Variants in PCDHGA6 observed in about 807,000 individuals in gnomAD.
PCDHGA6 encodes protocadherin gamma-A6.
PCDHGA6 carries 41 observed loss-of-function variants against 60.6 expected under a neutral mutation model. The ratio of observed to expected loss-of-function variants is 0.68; its 90% CI spans 0.53 to 0.88. PCDHGA6 has a LOEUF of 0.88. Ranked by LOEUF, PCDHGA6 falls within the 40% of genes least tolerant of loss-of-function variation. The pLI, the probability that PCDHGA6 is intolerant of heterozygous loss-of-function variation, is 0.00. For missense variants in PCDHGA6, 1,312 were observed against 1,203.0 expected (o/e 1.09, Z -1.34); for synonymous variants, 594 against 524.4 (o/e 1.13, Z -1.81).
At chr5:141,509,163 C>T (rs561329093) in intron 3 of PCDHGA6, among the ~76,000 whole-genome samples, 1 of 152,204 alleles carries the variant, frequency 6.6e-6, no homozygotes, top group East Asian at 1.9e-4. Context: ...CTCCCGTGTG[C>T]CCTCCTCCTC....
At chr5:141,461,312 C>T (rs1318872213) in intron 1 of PCDHGA6, among the ~76,000 whole-genome samples, 1 of 152,064 alleles carries the variant, frequency 6.6e-6, no homozygotes, top group African/African-American at 2.4e-5. Flanking sequence ...TGTTTTTTGA[C>T]TTTTTAATAA....
chr5:141,503,164 C>G (rs1262310388), intron 2 of PCDHGA6, among the ~76,000 whole-genome samples: 2 of 152,068 alleles, frequency 1.3e-5, no homozygotes, highest in East Asian at 3.9e-4. Flanking sequence ...ATCACAATTG[C>G]AATTACTCTA....
intron 1 of PCDHGA6, 41 bp downstream of exon 1, chr5:141,376,548 T>A: frequency 6.2e-7 from 1 of 1,612,424 alleles, no homozygotes; most frequent in South Asian, 1.1e-5. Flanking sequence ...TAATCTGATC[T>A]TCCCGCAACC....
chr5:141,460,987 A>G (rs201722325), intron 1 of PCDHGA6, among the ~76,000 whole-genome samples: 34 of 92,988 alleles, frequency 3.7e-4, no homozygotes, highest in Middle Eastern at 5.0e-3. Flanking sequence ...GTGTGTGTAT[A>G]TATATATATG....
chr5:141,490,149 T>C lies in PCDHGA6; in HGVS notation c.2425-4658T>C. The C allele has an allele frequency of 1.9e-6, 3 of 1,614,188 alleles. No individual in the cohort carries two copies. The highest frequency in any genetic ancestry group is 2.7e-5 in the African/African-American group (2 of 75,050). On this transcript the variant is annotated intron_variant, in intron 1 of 3. Coordinates refer to ENST00000517434, the MANE Select transcript of PCDHGA6 (RefSeq NM_018919.3). This position sits in a 1 kb window ranked among gnomAD's most constrained non-coding sequence, Gnocchi z 5.4. ...TAGACCCTAGCAGTGGGGCAATCCA[T>C]GTGTTGGGTCCCATAGACTTTGAGG... is the stretch of plus-strand genomic sequence containing the variant.
At chr5:141,417,003 A>T (rs1444236854) in intron 1 of PCDHGA6, 1 of 150,264 alleles carries the variant, frequency 6.7e-6, no homozygotes, top group African/African-American at 2.5e-5. Flanking sequence ...CATCTCAAAT[A>T]ATTCTATTAT....
intron 1 of PCDHGA6, chr5:141,414,617 T>C: frequency 6.2e-7 from 1 of 1,614,002 alleles, no homozygotes; most frequent in Non-Finnish European, 8.5e-7. Flanking sequence ...GTGACAGCGC[T>C]GGACCCGGAC....
rs11575965 is a variant in PCDHGA6 at position 141,430,679 on chromosome 5, T to C, written c.2424+54172T>C. 6,478 of 1,333,262 alleles carry C rather than the reference T, an allele frequency of 4.9e-3. 34 individuals carry two copies. Among genetic ancestry groups the C allele is most frequent in the Admixed American group, 9.3e-3 (354 of 37,978 alleles). 82.6% of individuals were successfully genotyped at this position (1,333,262 alleles called of 1,614,324 possible). ...CGGAGGAGCTCTGACTTCCCAACTG[T>C]CCCATTCTATGGGCGAAGGAACTGC... On this transcript the variant is annotated intron_variant, in intron 1 of 3. Coordinates refer to ENST00000517434, the MANE Select transcript of PCDHGA6 (RefSeq NM_018919.3).
At chr5:141,422,181 G>A in intron 1 of PCDHGA6, 3 of 1,561,316 alleles carry the variant, frequency 1.9e-6, no homozygotes, top group Non-Finnish European at 2.6e-6. Flanking sequence ...TCTATGAGAT[G>A]GAAATTCAAG....
chr5:141,399,738 G>C (rs1484510317), intron 1 of PCDHGA6: 2 of 1,613,268 alleles, frequency 1.2e-6, no homozygotes, highest in African/African-American at 1.3e-5. Flanking sequence ...GCTCGCCTGC[G>C]CTCAGCGCAA....
chr5:141,384,864 A>G (rs202180798), intron 1 of PCDHGA6: 3 of 1,613,702 alleles, frequency 1.9e-6, no homozygotes, highest in Non-Finnish European at 2.5e-6. Flanking sequence ...CTCCTCTGTC[A>G]GCCACCGTCA....
At chr5:141,409,866 G>T in intron 1 of PCDHGA6, 1 of 1,612,376 alleles carries the variant, frequency 6.2e-7, no homozygotes, top group Non-Finnish European at 8.5e-7. Context: ...GTGGGAGACC[G>T]CAATGACAAC....
rs1369956811 is a variant in PCDHGA6, at chr5:141,460,759, A to G, written c.2425-34048A>G. Among the ~76,000 whole-genome samples, 3 of 152,088 alleles carry G rather than the reference A, an allele frequency of 2.0e-5. No individual in the cohort carries two copies. In the East Asian group the frequency reaches 5.8e-4, roughly 29 times the overall value. On this transcript the variant is annotated intron_variant, in intron 1 of 3. Coordinates refer to ENST00000517434, the MANE Select transcript of PCDHGA6 (RefSeq NM_018919.3). ...ATTGTATATATATGTGTACATATAC[A>G]TATTGCATATGTATGTATACATATA...
chr5:141,428,181 A>G, intron 1 of PCDHGA6: 2 of 1,486,230 alleles, frequency 1.3e-6, no homozygotes, highest in Non-Finnish European at 1.8e-6. Flanking sequence ...GACGGAGGAC[A>G]GCCGCCGCTC....
intron 1 of PCDHGA6, chr5:141,382,950 C>T: frequency 6.2e-7 from 1 of 1,600,458 alleles, no homozygotes; most frequent in African/African-American, 1.3e-5. Context: ...TCCTGCTCTC[C>T]ATCCTCCTGG....
chr5:141,476,864 C>T lies in PCDHGA6; in HGVS notation c.2425-17943C>T, dbSNP rs1318457627. ...GCCTGTCTTCAACCAGTCCTTGTAC[C>T]GGGCGCGCGTCCTGGAGGATGCACC... is the stretch of plus-strand genomic sequence containing the variant. On this transcript the variant is annotated intron_variant, in intron 1 of 3. Coordinates refer to ENST00000517434, the MANE Select transcript of PCDHGA6 (RefSeq NM_018919.3). This position sits in a 1 kb window ranked among gnomAD's most constrained non-coding sequence, Gnocchi z 7.6. 4.3e-6 allele frequency: 7 copies of T among 1,613,838 alleles called. No homozygotes were observed. Among genetic ancestry groups the T allele is most frequent in the Non-Finnish European group, 5.9e-6 (7 of 1,180,044 alleles).
rs909174523 is a variant in PCDHGA6 at position 141,474,102 on chromosome 5, A to AAAC, written c.2425-20695_2425-20693dup. 2.6e-5 allele frequency among the ~76,000 whole-genome samples: 4 copies of AAAC among 152,286 alleles called. No homozygotes were observed. In the East Asian group the frequency reaches 7.7e-4, roughly 29 times the overall value. ...AAAACCAAAAAACAAACAACAACAA[A>AAAC]AACAACAACAACGAAAATCTCAGAA... is the stretch of plus-strand genomic sequence containing the variant. On this transcript the variant is annotated intron_variant, in intron 1 of 3. Coordinates refer to ENST00000517434, the MANE Select transcript of PCDHGA6 (RefSeq NM_018919.3).
At chr5:141,413,390 C>T (rs1373497766) in intron 1 of PCDHGA6, 1 of 1,614,010 alleles carries the variant, frequency 6.2e-7, no homozygotes, top group African/African-American at 1.3e-5. Context: ...CGCATAGTCT[C>T]CAGAGGTAGG....
chr5:141,437,728 A>T (rs1236819934), intron 1 of PCDHGA6, among the ~76,000 whole-genome samples: 1 of 150,908 alleles, frequency 6.6e-6, no homozygotes, highest in Non-Finnish European at 1.5e-5. Context: ...CTAATGTTAC[A>T]CTTTGAGTTC....
Sources: allele counts gnomAD v4.1 joint callset (sites outside exome capture counted in the v4.1 genomes callset), GRCh38; gene constraint gnomAD v4.1.1; non-coding constraint Gnocchi (gnomAD v3.1); transcripts MANE v1.5; gene names NCBI Gene and HGNC (gene_info 2026-07-23, HGNC 2026-07-21).